The following RASA3 variants were observed in gnomAD, a reference collection of about 807,000 sequenced individuals.
The protein encoded by RASA3 is RAS p21 protein activator 3, also known as ras GTPase-activating protein 3.
Under a neutral mutation model 110.0 loss-of-function variants are expected in RASA3, and 73 were observed. The observed-to-expected ratio is 0.66, with a 90% CI of 0.55 to 0.81. The LOEUF (loss-of-function observed/expected upper bound fraction) is 0.81. RASA3 is among the 30% of genes least tolerant of loss of function. The probability of loss-of-function intolerance (pLI) is 0.00; values close to 1 mark genes in which losing one functional copy is unlikely to be tolerated. For missense variants in RASA3, 976 were observed against 1,113.2 expected (o/e 0.88, Z 1.75); for synonymous variants, 500 against 451.4 (o/e 1.11, Z -1.37).
At chr13:114,069,545 T>C (rs182896793) in intron 2 of RASA3, among the ~76,000 whole-genome samples, 32 of 5,974 alleles carry the variant, frequency 5.4e-3, no homozygotes, top group Admixed American at 9.9e-3. Flanking sequence ...GACTCAGGGG[T>C]CGGGAGACTC....
At chr13:114,108,446 C>T (rs1318262517) in intron 1 of RASA3, among the ~76,000 whole-genome samples, 2 of 126,404 alleles carry the variant, frequency 1.6e-5, no homozygotes, top group African/African-American at 6.1e-5. Context: ...TCCATCACCC[C>T]CCGTCCGTCA....
At chr13:114,036,153 C>T (rs1232222437) in intron 4 of RASA3, 1 of 152,282 alleles carries the variant, frequency 6.6e-6, no homozygotes, top group African/African-American at 2.4e-5. Flanking sequence ...AGGCGGTGCC[C>T]TCGCTGGCAT....
intron 10 of RASA3, 125 bp downstream of exon 10, chr13:114,018,638 T>C (rs1053282239): frequency 2.1e-5 from 26 of 1,231,782 alleles, no homozygotes; most frequent in Non-Finnish European, 2.9e-5. Context: ...CAGGCCAGGC[T>C]GGGAGGCGTG....
chr13:114,056,775 A>C lies in RASA3; in HGVS notation c.174-4620T>G, dbSNP rs760736845. ...CAAGAAAACATACGAACTCCATAAA[A>C]TTATCACCACAGACTGGACGTGCCC... On this transcript the variant is annotated intron_variant, in intron 2 of 23. Transcript: ENST00000334062. The surrounding 1 kb of genome is among the most constrained non-coding windows in gnomAD (Gnocchi z 5.7). The C allele has an allele frequency of 1.4e-6, 1 of 701,300 alleles. No individual in the cohort carries two copies. Among genetic ancestry groups the C allele is most frequent in the Non-Finnish European group, 1.8e-6 (1 of 570,236 alleles). 43.4% of individuals were successfully genotyped at this position (701,300 alleles called of 1,614,324 possible). A position where few individuals can be genotyped will look rare whatever the true frequency, so the allele number is the denominator to read the frequency against.
intron 1 of RASA3, among the ~76,000 whole-genome samples, chr13:114,079,379 G>T (rs2079743488): frequency 6.6e-6 from 1 of 152,222 alleles, no homozygotes; most frequent in Admixed American, 6.5e-5. Context: ...GTTGGGGAAG[G>T]AGACCCTGCG....
chr13:114,031,894 C>T (rs1378876177), intron 4 of RASA3, among the ~76,000 whole-genome samples: 1 of 152,160 alleles, frequency 6.6e-6, no homozygotes, highest in African/African-American at 2.4e-5. Context: ...GAACCGACAG[C>T]AGCCCTGCAG....
chr13:114,080,659 G>A (rs997512776), intron 1 of RASA3, among the ~76,000 whole-genome samples: 8 of 41,004 alleles, frequency 2.0e-4, no homozygotes, highest in South Asian at 7.5e-4. Flanking sequence ...GCCTGACCCC[G>A]ACAACGGCTG....
chr13:114,070,372 A>G (rs2139658352), intron 2 of RASA3, among the ~76,000 whole-genome samples: 1 of 152,184 alleles, frequency 6.6e-6, no homozygotes, highest in African/African-American at 2.4e-5. Flanking sequence ...GATGTCGACC[A>G]ATGACTAATA....
At chr13:113,991,910 ACATT>A (rs1303348901) in intron 22 of RASA3, among the ~76,000 whole-genome samples, 6 of 152,176 alleles carry the variant, frequency 3.9e-5, no homozygotes, top group African/African-American at 9.6e-5. Context: ...ATGTACCCAC[ACATT>A]CACTCTCATA....
chr13:114,125,313 G>T (rs2080430660), intron 1 of RASA3, among the ~76,000 whole-genome samples: 1 of 152,160 alleles, frequency 6.6e-6, no homozygotes, highest in African/African-American at 2.4e-5. Context: ...AGGTTTATTG[G>T]TCACGGTGCT....
At chr13:114,107,594 C>T (rs1317606723) in intron 1 of RASA3, 2 of 152,482 alleles carry the variant, frequency 1.3e-5, no homozygotes, top group Non-Finnish European at 2.9e-5. Flanking sequence ...CGGGTGTCTG[C>T]TCTGCCCTGG....
In RASA3 at chr13:114,031,874, G is replaced by A. The variant is rs531650639; in HGVS notation, c.373-1987C>T. 3.3e-5 allele frequency among the ~76,000 whole-genome samples: 5 copies of A among 152,292 alleles called. 1 individual carries two copies. The highest frequency in any genetic ancestry group is 9.6e-5 in the African/African-American group (4 of 41,550). The stretch of plus-strand genomic sequence containing the variant: ...CGGGCAGAATGCCTGGCGCTAAGAC[G>A]TGGACGGCAGAACCGACAGCAGCCC... On this transcript the variant is annotated intron_variant, in intron 4 of 23. Coordinates refer to ENST00000334062, the MANE Select transcript of RASA3 (RefSeq NM_007368.4).
chr13:113,996,444 T>C (rs1347875576), intron 21 of RASA3, 87 bp downstream of exon 21: 2 of 1,292,332 alleles, frequency 1.5e-6, no homozygotes, highest in Admixed American at 2.0e-5. Context: ...CAGGCAGGCA[T>C]GCACTGTCTG....
chr13:114,040,199 A>C (rs1455252600), intron 4 of RASA3, among the ~76,000 whole-genome samples: 1 of 152,350 alleles, frequency 6.6e-6, no homozygotes, highest in East Asian at 1.9e-4. Context: ...CACTCCGAGC[A>C]CAAGTGGGCG....
At chr13:113,996,812 C>A (rs2053267992) in intron 20 of RASA3, 73 bp from the exon 21 acceptor site, 2 of 1,358,932 alleles carry the variant, frequency 1.5e-6, no homozygotes, top group Admixed American at 1.7e-5. Flanking sequence ...GTCCACCAGG[C>A]ACCTGGCCGT....
chr13:114,016,658 C>T (rs1013285206), intron 12 of RASA3, among the ~76,000 whole-genome samples: 1 of 152,250 alleles, frequency 6.6e-6, no homozygotes, highest in African/African-American at 2.4e-5. Flanking sequence ...GAGTGATGTG[C>T]ACCAGCCCAC....
chr13:113,980,134 TACC>T, intron 23 of RASA3, among the ~76,000 whole-genome samples: 1 of 134,498 alleles, frequency 7.4e-6, no homozygotes, highest in Admixed American at 7.3e-5. Context: ...CCTCTGTGTG[TACC>T]TCCTGCCACG....
At chr13:114,044,510 TCCCCCGCCGCCTCACTCGCTGAGCC>T (rs1566522212) in intron 3 of RASA3, among the ~76,000 whole-genome samples, 1 of 1,590 alleles carries the variant, frequency 6.3e-4, no homozygotes. Context: ...CTCGCTGAGC[TCCCCCGCCGCCTCACTCGCTGAGCC>T]CCCCGCCCTC....
rs959322574 is a variant in RASA3, at chr13:114,066,800, C to T, written c.173+6920G>A. 2.2e-4 allele frequency among the ~76,000 whole-genome samples: 33 copies of T among 152,348 alleles called. No individual in the cohort carries two copies. In the Middle Eastern group the frequency reaches 0.014, roughly 63 times the overall value. Reference sequence around the variant, plus strand: ...TGCTGGGCCGGGCTTGGGGGTCATACAGACAGGACCAGGGGCTCTGACCTG... The same window carrying T: ...TGCTGGGCCGGGCTTGGGGGTCATATAGACAGGACCAGGGGCTCTGACCTG... On this transcript the variant is annotated intron_variant, in intron 2 of 23. Transcript: ENST00000334062.
Sources: allele counts gnomAD v4.1 joint callset (sites outside exome capture counted in the v4.1 genomes callset), GRCh38; gene constraint gnomAD v4.1.1; non-coding constraint Gnocchi (gnomAD v3.1); transcripts MANE v1.5; gene names NCBI Gene and HGNC (gene_info 2026-07-23, HGNC 2026-07-21).